The following RGPD3 variants were observed in gnomAD, a reference collection of about 807,000 sequenced individuals.
RGPD3 encodes the protein ranBP2-like and GRIP domain-containing protein 3.
RGPD3 carries 62 observed loss-of-function variants against 154.5 expected under a neutral mutation model. The observed-to-expected ratio is 0.40, with a 90% CI of 0.33 to 0.50. RGPD3 has a LOEUF of 0.50. Ranked by LOEUF, RGPD3 falls within the 20% of genes least tolerant of loss-of-function variation. The pLI, the probability that RGPD3 is intolerant of heterozygous loss-of-function variation, is 0.59. For missense variants in RGPD3, 919 were observed against 1,716.8 expected, an observed-to-expected ratio of 0.54 and a Z score of 8.21; for synonymous variants, 308 against 607.0, an observed-to-expected ratio of 0.51 and a Z score of 7.24.
chr2:106,421,585 C>T (rs1193168088), intron 20 of RGPD3, among the ~76,000 whole-genome samples: 2 of 151,638 alleles, frequency 1.3e-5, no homozygotes, highest in African/African-American at 4.8e-5. Context: ...TCTTGTTCCA[C>T]TCTAGTAGCC....
At chr2:106,448,772 C>A (rs1246460414) in intron 6 of RGPD3, among the ~76,000 whole-genome samples, 6 of 152,100 alleles carry the variant, frequency 3.9e-5, no homozygotes, top group African/African-American at 1.4e-4. Flanking sequence ...CTTACTGCAA[C>A]CTCTGACTCC....
chr2:106,465,301 T>C, intron 1 of RGPD3, among the ~76,000 whole-genome samples: 1 of 152,204 alleles, frequency 6.6e-6, no homozygotes, highest in South Asian at 2.1e-4. Context: ...TGTTCCAAAG[T>C]TACTCACTAG....
rs1443028252 is a variant in RGPD3 at position 106,404,677 on chromosome 2, G to T, written c.*542C>A. On this transcript the variant is annotated 3_prime_UTR_variant, in exon 23 of 23. Coordinates refer to ENST00000409886, the MANE Select transcript of RGPD3 (RefSeq NM_001144013.2). Reference sequence around the variant, plus strand: ...GTCTCGCTCTGTTCCCCGAGCTGGAGTGCAGTGATACAATCACAGCTCACT... The same window carrying T: ...GTCTCGCTCTGTTCCCCGAGCTGGATTGCAGTGATACAATCACAGCTCACT... Among the ~76,000 whole-genome samples the T allele has an allele frequency of 1.0e-5, 1 of 96,288 alleles. No individual in the cohort carries two copies. The highest frequency in any genetic ancestry group is 2.2e-5 in the Non-Finnish European group (1 of 45,680). 63.2% of individuals were successfully genotyped at this position (96,288 alleles called of 152,430 possible). A position where few individuals can be genotyped will look rare whatever the true frequency, so the allele number is the denominator to read the frequency against.
In RGPD3 at chr2:106,425,214, A is replaced by G. The variant is rs773550593; in HGVS notation, c.2753T>C (p.Val918Ala). 5.6e-6 allele frequency: 9 copies of G among 1,611,642 alleles called. No individual in the cohort carries two copies. The African/African-American group carries it at 9.4e-5, about 17-fold the overall frequency. ...GCCAAATTTAAATCCATCAGCAGAC[A>G]CAGGGATGGAAAATCCTTCTTTGGT... ...KSTKEGFSIP[V>A]SADGFKFGIS... The change falls in exon 20 of 23, where the codon GTG becomes GCG. Residue 918 changes from valine to alanine, a missense_variant. By Grantham distance (64) the Val-to-Ala change is moderately conservative (BLOSUM62 0). Transcript: ENST00000409886.
At position 106,424,377 on chromosome 2, in the gene RGPD3, T is replaced by C. The variant is rs1239050794; in HGVS notation, c.3590A>G (p.Glu1197Gly). The C allele has an allele frequency of 4.3e-6, 7 of 1,611,494 alleles. No homozygotes were observed. Among genetic ancestry groups the C allele is most frequent in the Non-Finnish European group, 5.9e-6 (7 of 1,179,858 alleles). The change falls in exon 20 of 23, where the codon GAA (glutamate) becomes GGA (glycine). Residue 1197 changes from glutamate (E) to glycine (G), a missense_variant. By Grantham distance (98) the Glu-to-Gly change is moderately conservative (BLOSUM62 -2). Coordinates refer to ENST00000409886, the MANE Select transcript of RGPD3 (RefSeq NM_001144013.2). ...GAAATCTTTCAGTCCACTCTTCATTTCTTCAGCTCTCTGTATTAACTTGGC... is the reference window on the plus strand; with the variant it reads ...GAAATCTTTCAGTCCACTCTTCATTCCTTCAGCTCTCTGTATTAACTTGGC... ...RAAKLIQRAE[E>G]MKSGLKDFKT...
At chr2:106,470,697 T>G, upstream of RGPD3, 1 of 1,112,380 alleles carries the variant, frequency 9.0e-7, no homozygotes, top group South Asian at 1.6e-5. Context: ...ACATTTATTC[T>G]GCAAGTAGAA....
intron 18 of RGPD3, among the ~76,000 whole-genome samples, chr2:106,428,640 C>T (rs377271325): frequency 6.6e-6 from 1 of 151,786 alleles, no homozygotes. Context: ...CACAAATGTG[C>T]TCATCTAAAC....
intron 7 of RGPD3, among the ~76,000 whole-genome samples, chr2:106,444,850 G>A (rs1211838346): frequency 1.4e-5 from 2 of 142,036 alleles, no homozygotes; most frequent in South Asian, 2.3e-4. Context: ...GCTGTGCGCA[G>A]TAGCTCACAC....
chr2:106,415,986 G>T lies in RGPD3; in HGVS notation c.4928C>A (p.Pro1643His). The T allele has an allele frequency of 6.2e-7, 1 of 1,611,708 alleles. No homozygotes were observed. Among genetic ancestry groups the T allele is most frequent in the South Asian group, 1.1e-5 (1 of 90,966 alleles). The change falls in exon 21 of 23, where the codon CCT (proline) becomes CAT (histidine). Residue 1643 changes from proline (P) to histidine (H), a missense_variant. Coordinates refer to ENST00000409886, the MANE Select transcript of RGPD3 (RefSeq NM_001144013.2). ...AGTAAATTCAGCATACCATAATGGAGGCTCTGCAACATGTTGTTCCAAGAA... is the reference window on the plus strand; with the variant it reads ...AGTAAATTCAGCATACCATAATGGATGCTCTGCAACATGTTGTTCCAAGAA... ...NYTFKTPEKE[P>H]PLWYAEFTKE...
chr2:106,468,126 T>C (rs1057007427), intron 1 of RGPD3, 91 bp downstream of exon 1: 5 of 1,478,266 alleles, frequency 3.4e-6, no homozygotes, highest in Middle Eastern at 2.5e-4. Context: ...TCGGGAGCCA[T>C]GACGCCTGAG....
At chr2:106,465,891 G>C (rs1244170892) in intron 1 of RGPD3, among the ~76,000 whole-genome samples, 34 of 151,064 alleles carry the variant, frequency 2.3e-4, no homozygotes, top group African/African-American at 5.4e-4. Context: ...TTGCGCCGTC[G>C]GGCCATTGCA....
chr2:106,426,771 A>G (rs1677210155), intron 18 of RGPD3, among the ~76,000 whole-genome samples: 2 of 152,250 alleles, frequency 1.3e-5, no homozygotes, highest in Non-Finnish European at 2.9e-5. Context: ...GTTTTACCAG[A>G]AAACAACCAA....
chr2:106,405,312 C>T (rs1402353660), intron 22 of RGPD3, 83 bp from the exon 23 acceptor site: 9 of 1,172,916 alleles, frequency 7.7e-6, no homozygotes, highest in African/African-American at 1.6e-5. Flanking sequence ...AACCACTCTA[C>T]AATATAAGCA....
rs369175446 is a variant in RGPD3 at position 106,415,928 on chromosome 2, G to T, written c.4986C>A (p.Thr1662=). Residue 1662 remains threonine (T), a synonymous_variant, in exon 21 of 23, where the codon ACC becomes ACA. Coordinates refer to ENST00000409886, the MANE Select transcript of RGPD3 (RefSeq NM_001144013.2). ...CGTTTAAGTGATCTGCACTTTTTGT[G>T]GTGGAACTGAGCTTCTGAACCAATT... ...KEELVQKLSS[T]TKSADHLNGL... is the part of the protein sequence containing the mutation. The T allele has an allele frequency of 1.2e-4, 196 of 1,611,742 alleles. 1 individual carries two copies. In the African/African-American group the frequency reaches 2.0e-3, roughly 17 times the overall value.
chr2:106,432,787 A>G (rs1677405068), intron 17 of RGPD3, 148 bp downstream of exon 17: 1 of 1,083,184 alleles, frequency 9.2e-7, no homozygotes, highest in Non-Finnish European at 1.3e-6. Context: ...TTAAAAAAAA[A>G]AAAAAAAAAA....
At chr2:106,443,651 T>C (rs1389055148) in intron 7 of RGPD3, among the ~76,000 whole-genome samples, 2 of 108,092 alleles carry the variant, frequency 1.9e-5, no homozygotes, top group African/African-American at 6.8e-5. Flanking sequence ...TAGTTGTGAA[T>C]CCACTCAATC....
intron 21 of RGPD3, among the ~76,000 whole-genome samples, chr2:106,414,076 A>G (rs1251113767): frequency 6.6e-6 from 1 of 152,118 alleles, no homozygotes; most frequent in Admixed American, 6.6e-5. Context: ...GTTCAGACAC[A>G]GTGAAAATTC....
chr2:106,409,683 A>G (rs989914351), intron 22 of RGPD3, among the ~76,000 whole-genome samples: 2 of 151,120 alleles, frequency 1.3e-5, no homozygotes, highest in African/African-American at 4.9e-5. Context: ...GAATCTGTGG[A>G]TAGATATCCT....
rs1159135141 is a variant in RGPD3 at position 106,446,394 on chromosome 2, C to T, written c.978+1024G>A. ...CATCCTGGCTAACATGGTGAAACCCCGTCTCTACTAAAAGTACAAAAAAAA... is the reference window on the plus strand; with the variant it reads ...CATCCTGGCTAACATGGTGAAACCCTGTCTCTACTAAAAGTACAAAAAAAA... On this transcript the variant is annotated intron_variant, in intron 7 of 22. Transcript: ENST00000409886. Among the ~76,000 whole-genome samples, 24 of 151,992 alleles carry T rather than the reference C, an allele frequency of 1.6e-4. No homozygotes were observed. The East Asian group carries it at 3.1e-3, about 20-fold the overall frequency.
Sources: allele counts gnomAD v4.1 joint callset (sites outside exome capture counted in the v4.1 genomes callset), GRCh38; gene constraint gnomAD v4.1.1; transcripts MANE v1.5; gene names NCBI Gene and HGNC (gene_info 2026-07-23, HGNC 2026-07-21).